Variants in SACM1L observed in about 807,000 individuals in gnomAD.
SACM1L encodes SAC1 like phosphatidylinositide phosphatase, also known as phosphatidylinositol-3-phosphatase SAC1.
In SACM1L, 32 loss-of-function variants were observed where a neutral mutation model predicts 89.5. The observed-to-expected ratio is 0.36, with a 90% confidence interval of 0.27 to 0.48. The LOEUF (loss-of-function observed/expected upper bound fraction) is 0.48. Ranked by LOEUF, SACM1L falls within the 20% of genes least tolerant of loss-of-function variation. The pLI, the probability that SACM1L is intolerant of heterozygous loss-of-function variation, is 0.99. For synonymous variants in SACM1L, 213 were observed against 232.8 expected (o/e 0.92, Z 0.77); for missense variants, 543 against 708.5 (o/e 0.77, Z 2.65).
At chr3:45,724,756 A>C (rs1271682628) in intron 11 of SACM1L, among the ~76,000 whole-genome samples, 1 of 152,044 alleles carries the variant, frequency 6.6e-6, no homozygotes, top group Non-Finnish European at 1.5e-5. Context: ...GAGTCTTTAT[A>C]GTTTTAGATC....
intron 16 of SACM1L, among the ~76,000 whole-genome samples, chr3:45,738,225 T>C (rs944267177): frequency 1.3e-5 from 2 of 152,242 alleles, no homozygotes; most frequent in Non-Finnish European, 2.9e-5. Flanking sequence ...GTATTATGCA[T>C]GCAGTGGCTC....
Position 45,732,116 on chromosome 3 carries a change from A to G in SACM1L, c.1065A>G (p.Leu355=). ...TGAGATGGGATCGACTAAGTATTTT[A>G]TTGGATCAGGTAGCAGAAATGCAAG... ...KNMRWDRLSI[L]LDQVAEMQDE... is the part of the protein sequence containing the mutation. The change falls in exon 13 of 20, where the codon TTA becomes TTG. Residue 355 remains leucine (L), a synonymous_variant. Coordinates refer to ENST00000389061, the MANE Select transcript of SACM1L (RefSeq NM_014016.5). 1 of 1,606,794 alleles carries G rather than the reference A, an allele frequency of 6.2e-7. No homozygotes were observed. The highest frequency in any genetic ancestry group is 8.5e-7 in the Non-Finnish European group (1 of 1,177,382).
At chr3:45,723,853 TA>T (rs1698845128) in intron 11 of SACM1L, among the ~76,000 whole-genome samples, 1 of 152,154 alleles carries the variant, frequency 6.6e-6, no homozygotes, top group South Asian at 2.1e-4. Flanking sequence ...TTTTCTTTTT[TA>T]ATGTTTTTAA....
intron 12 of SACM1L, among the ~76,000 whole-genome samples, 154 bp from the exon 13 acceptor site, chr3:45,731,899 G>A (rs926402865): frequency 1.3e-5 from 2 of 152,150 alleles, no homozygotes; most frequent in Non-Finnish European, 2.9e-5. Context: ...TGTAGTATAT[G>A]TATAGTGATA....
chr3:45,730,648 C>T (rs923817743), intron 11 of SACM1L: 5 of 152,282 alleles, frequency 3.3e-5, no homozygotes, highest in African/African-American at 1.2e-4. Context: ...GGACTCTTTT[C>T]AGCATGCATC....
intron 1 of SACM1L, chr3:45,689,703 C>G (rs1374017564): frequency 4.7e-6 from 3 of 640,316 alleles, no homozygotes; most frequent in Non-Finnish European, 8.1e-6. Context: ...CGGCCTTTCT[C>G]CACCGTGCTC....
intron 1 of SACM1L, among the ~76,000 whole-genome samples, chr3:45,701,632 A>G (rs1307597071): frequency 1.3e-5 from 2 of 152,218 alleles, no homozygotes; most frequent in Admixed American, 6.5e-5. Context: ...TTGACATACA[A>G]TAAACTACAC....
rs138379651 is a variant in SACM1L, at chr3:45,703,514, T to A, written c.109T>A (p.Ser37Thr). The change falls in exon 2 of 20, where the codon TCC becomes ACC. Residue 37 changes from serine to threonine, a missense_variant. Ser to Thr is a moderately conservative substitution (Grantham distance 58). Around this residue, in one of 2 missense-constraint regions of SACM1L, gnomAD observed 173 missense variants for 180.9 expected, o/e 0.96. Transcript: ENST00000389061. Reference sequence around the variant, plus strand: ...TGACGTACTTACCATTGACCGTGTGTCCACAGAGGTTACCCTTGCAGGTAT... The same window carrying A: ...TGACGTACTTACCATTGACCGTGTGACCACAGAGGTTACCCTTGCAGGTAT... ...ADDVLTIDRVSTEVTLAVKKD... is the reference protein window; with the variant it reads ...ADDVLTIDRVTTEVTLAVKKD... The A allele has an allele frequency of 1.2e-6, 2 of 1,612,208 alleles. No individual in the cohort carries two copies. Among genetic ancestry groups the A allele is most frequent in the African/African-American group, 1.3e-5 (1 of 74,978 alleles).
chr3:45,738,125 A>C (rs1699242866), intron 16 of SACM1L, among the ~76,000 whole-genome samples: 1 of 152,206 alleles, frequency 6.6e-6, no homozygotes, highest in Non-Finnish European at 1.5e-5. Flanking sequence ...ACCAGTCTTG[A>C]GATGTGCTCT....
At chr3:45,729,659 T>C (rs745663821) in intron 11 of SACM1L, among the ~76,000 whole-genome samples, 2 of 152,160 alleles carry the variant, frequency 1.3e-5, no homozygotes, top group African/African-American at 4.8e-5. Context: ...TAATGAGAAA[T>C]TGGCGGATAA....
rs189567278 is a variant in SACM1L, at chr3:45,728,171, T to C, written c.922-3130T>C. On this transcript the variant is annotated intron_variant, in intron 11 of 19. Transcript: ENST00000389061. ...TTCATCCTTTCTCTTTCAACCTATA[T>C]GTGTCTTTAGGTCTAACATGAATCT... is the stretch of plus-strand genomic sequence containing the variant. Among the ~76,000 whole-genome samples the C allele has an allele frequency of 1.3e-3, 204 of 152,312 alleles. 1 individual carries two copies. Among genetic ancestry groups the C allele is most frequent in the African/African-American group, 4.8e-3 (198 of 41,576 alleles).
chr3:45,736,690 A>G (rs1223866504), intron 14 of SACM1L, among the ~76,000 whole-genome samples: 1 of 152,220 alleles, frequency 6.6e-6, no homozygotes, highest in East Asian at 1.9e-4. Context: ...TGATTAACCA[A>G]AACTTACTTG....
Position 45,713,134 on chromosome 3 carries a change from C to A in SACM1L, c.484-3C>A. 6.2e-7 allele frequency: 1 copy of A among 1,610,724 alleles called. No individual in the cohort carries two copies. The highest frequency in any genetic ancestry group is 8.5e-7 in the Non-Finnish European group (1 of 1,178,162). On this transcript the variant is annotated splice_region_variant and splice_polypyrimidine_tract_variant and intron_variant, in intron 5 of 19. Coordinates refer to ENST00000389061, the MANE Select transcript of SACM1L (RefSeq NM_014016.5). ...TTTTATTAAATTTTAAAACTTCTCT[C>A]AGGCAGATCAGCGGTTTGTATGGAA...
At chr3:45,721,938 G>A in intron 8 of SACM1L, 62 bp from the exon 9 acceptor site, 1 of 1,077,158 alleles carries the variant, frequency 9.3e-7, no homozygotes, top group Non-Finnish European at 1.4e-6. Flanking sequence ...TGAATTAGTG[G>A]GTTTCTGATG....
At chr3:45,729,828 G>A (rs1283280889) in intron 11 of SACM1L, among the ~76,000 whole-genome samples, 1 of 151,730 alleles carries the variant, frequency 6.6e-6, no homozygotes, top group Non-Finnish European at 1.5e-5. Context: ...CATCACATTT[G>A]GGAAGGTTTT....
In SACM1L at chr3:45,738,566, C is replaced by G; in HGVS notation, c.1383-12C>G. On this transcript the variant is annotated splice_polypyrimidine_tract_variant and intron_variant, in intron 16 of 19. Coordinates refer to ENST00000389061, the MANE Select transcript of SACM1L (RefSeq NM_014016.5). ...ACAAACCTGTAACTTAAAATTTAAC[C>G]TCTTTAACCAGAACTGGAAAGAGAA... 6.4e-7 allele frequency: 1 copy of G among 1,559,816 alleles called. No individual in the cohort carries two copies. Among genetic ancestry groups the G allele is most frequent in the Non-Finnish European group, 8.8e-7 (1 of 1,132,516 alleles).
intron 8 of SACM1L, 97 bp from the exon 9 acceptor site, chr3:45,721,903 T>A: frequency 1.3e-6 from 1 of 759,924 alleles, no homozygotes; most frequent in Middle Eastern, 2.3e-4. Flanking sequence ...TAACTTGAAC[T>A]GACTTAATTC....
Position 45,724,568 on chromosome 3 carries a change from C to T in SACM1L, c.921+1025C>T, listed in dbSNP as rs143487840. Among the ~76,000 whole-genome samples, 34 of 152,116 alleles carry T rather than the reference C, an allele frequency of 2.2e-4. No homozygotes were observed. The East Asian group carries it at 6.2e-3, about 28-fold the overall frequency. ...TATCTCTTAGCAGACAGGTGCTTTA[C>T]AAATATTTTCTCCCACTCTTTAGGT... On this transcript the variant is annotated intron_variant, in intron 11 of 19. Coordinates refer to ENST00000389061, the MANE Select transcript of SACM1L (RefSeq NM_014016.5).
intron 11 of SACM1L, among the ~76,000 whole-genome samples, chr3:45,724,761 T>C (rs1698877995): frequency 6.6e-6 from 1 of 152,212 alleles, no homozygotes; most frequent in Non-Finnish European, 1.5e-5. Context: ...TTTATAGTTT[T>C]AGATCTTACA....
Sources: allele counts gnomAD v4.1 joint callset (sites outside exome capture counted in the v4.1 genomes callset), GRCh38; gene constraint gnomAD v4.1.1; regional missense constraint gnomAD v4.1.1; transcripts MANE v1.5; gene names NCBI Gene and HGNC (gene_info 2026-07-23, HGNC 2026-07-21).